The following KCTD16 variants were observed in gnomAD, a reference collection of about 807,000 sequenced individuals.
The protein encoded by KCTD16 is BTB/POZ domain-containing protein KCTD16.
A neutral mutation model predicts 33.2 loss-of-function variants in KCTD16; 13 were observed. That is an observed-to-expected ratio of 0.39 (90% confidence interval 0.25 to 0.62). KCTD16 has a LOEUF of 0.62. Among genes scored for constraint, KCTD16 ranks in the 20% least tolerant of loss-of-function variants. The pLI is 0.50. For missense variants in KCTD16, 441 were observed against 525.1 expected (o/e 0.84, Z 1.57); for synonymous variants, 197 against 195.3 (o/e 1.01, Z -0.07).
chr5:144,361,151 G>A (rs957846800), intron 3 of KCTD16, among the ~76,000 whole-genome samples: 9 of 149,204 alleles, frequency 6.0e-5, no homozygotes, highest in Non-Finnish European at 1.0e-4. Context: ...GAGAATCTGC[G>A]GTGTTTGGTT....
intron 3 of KCTD16, among the ~76,000 whole-genome samples, chr5:144,465,938 A>C (rs1288787818): frequency 1.3e-5 from 2 of 152,038 alleles, no homozygotes; most frequent in African/African-American, 4.8e-5. Flanking sequence ...TCCCGGGTTC[A>C]AGTGATTCTC....
At chr5:144,421,118 G>A (rs986501593) in intron 3 of KCTD16, among the ~76,000 whole-genome samples, 1 of 152,154 alleles carries the variant, frequency 6.6e-6, no homozygotes, top group African/African-American at 2.4e-5. Context: ...GGCAAGTATA[G>A]ACATGTATTG....
intron 3 of KCTD16, among the ~76,000 whole-genome samples, chr5:144,351,896 A>G (rs1323558262): frequency 2.0e-5 from 3 of 152,136 alleles, no homozygotes; most frequent in Non-Finnish European, 4.4e-5. Flanking sequence ...GGGAACTGGA[A>G]AGATATTGGT....
chr5:144,432,489 G>A (rs1753485835), intron 3 of KCTD16, among the ~76,000 whole-genome samples: 1 of 152,118 alleles, frequency 6.6e-6, no homozygotes, highest in Admixed American at 6.6e-5. Context: ...GCACACATAT[G>A]TTATCAGGAC....
chr5:144,413,499 G>C (rs753838287), intron 3 of KCTD16, among the ~76,000 whole-genome samples: 1 of 152,134 alleles, frequency 6.6e-6, no homozygotes, highest in African/African-American at 2.4e-5. Context: ...CATATCATTT[G>C]TTGACTTAGG....
At chr5:144,362,362 C>T (rs1363962647) in intron 3 of KCTD16, among the ~76,000 whole-genome samples, 2 of 152,098 alleles carry the variant, frequency 1.3e-5, no homozygotes, top group Non-Finnish European at 2.9e-5. Context: ...AATTCAGTAA[C>T]GAATTCCTCT....
intron 3 of KCTD16, among the ~76,000 whole-genome samples, chr5:144,360,836 A>G (rs954652449): frequency 4.0e-5 from 6 of 151,086 alleles, no homozygotes; most frequent in Non-Finnish European, 7.4e-5. Flanking sequence ...ACTCTTTGCT[A>G]TTGTGAACAT....
rs1752287608 is a variant in KCTD16, at chr5:144,329,086, G to A, written c.832+121540G>A. Among the ~76,000 whole-genome samples the A allele has an allele frequency of 1.3e-5, 2 of 152,042 alleles. 1 individual carries two copies. The highest frequency in any genetic ancestry group is 2.9e-5 in the Non-Finnish European group (2 of 68,010). On this transcript the variant is annotated intron_variant, in intron 3 of 3. Transcript: ENST00000512467. ...GGCAAACTTATTTGAAATATTGTTT[G>A]CATCCCACAATGTTGACACCCTTGG...
At chr5:144,233,225 A>G (rs1754157651) in intron 3 of KCTD16, among the ~76,000 whole-genome samples, 1 of 152,186 alleles carries the variant, frequency 6.6e-6, no homozygotes, top group African/African-American at 2.4e-5. Flanking sequence ...AGGGTCTTCC[A>G]TCATAAGTTA....
At chr5:144,406,369 G>A (rs1730913868) in intron 3 of KCTD16, among the ~76,000 whole-genome samples, 1 of 152,082 alleles carries the variant, frequency 6.6e-6, no homozygotes, top group Non-Finnish European at 1.5e-5. Context: ...TTAACACAAA[G>A]GAAAAGAAAA....
At chr5:144,178,481 T>C (rs1752550377) in intron 2 of KCTD16, among the ~76,000 whole-genome samples, 1 of 152,206 alleles carries the variant, frequency 6.6e-6, no homozygotes, top group South Asian at 2.1e-4. Flanking sequence ...TTTAATTAAA[T>C]TCTGCACACT....
chr5:144,335,017 C>G (rs929483979), intron 3 of KCTD16, among the ~76,000 whole-genome samples: 2 of 151,998 alleles, frequency 1.3e-5, no homozygotes, highest in African/African-American at 4.8e-5. Context: ...TGAGCTCAAA[C>G]GATTCCCCTG....
intron 3 of KCTD16, among the ~76,000 whole-genome samples, chr5:144,425,923 A>G (rs1322969647): frequency 6.6e-6 from 1 of 152,100 alleles, no homozygotes; most frequent in Non-Finnish European, 1.5e-5. Context: ...GATTCTTTCT[A>G]TTCATACTAA....
At chr5:144,380,646 T>G (rs1443241976) in intron 3 of KCTD16, among the ~76,000 whole-genome samples, 1 of 151,964 alleles carries the variant, frequency 6.6e-6, no homozygotes, top group South Asian at 2.1e-4. Context: ...ACCAGACACA[T>G]AGATCAATGG....
intron 1 of KCTD16, among the ~76,000 whole-genome samples, chr5:144,173,901 A>AT (rs58804094): frequency 0.021 from 3,026 of 140,812 alleles, 40 homozygotes; most frequent in East Asian, 0.052. Flanking sequence ...TTCTTTTTGG[A>AT]TTTTTTTTTT....
intron 3 of KCTD16, among the ~76,000 whole-genome samples, chr5:144,433,704 G>A (rs1753516900): frequency 6.6e-6 from 1 of 152,078 alleles, no homozygotes; most frequent in Non-Finnish European, 1.5e-5. Context: ...TCCTACTTCA[G>A]CTTTATTATA....
chr5:144,271,824 A>T (rs950063997), intron 3 of KCTD16, among the ~76,000 whole-genome samples: 1 of 152,024 alleles, frequency 6.6e-6, no homozygotes, highest in African/African-American at 2.4e-5. Context: ...AGACAGCAGG[A>T]TACAAAGTCA....
At chr5:144,314,497 C>T (rs1375211529) in intron 3 of KCTD16, among the ~76,000 whole-genome samples, 2 of 151,988 alleles carry the variant, frequency 1.3e-5, no homozygotes, top group African/African-American at 2.4e-5. Flanking sequence ...GTCAGGTAGC[C>T]CAGTAATAAA....
At chr5:144,389,593 G>A (rs1168211881) in intron 3 of KCTD16, among the ~76,000 whole-genome samples, 1 of 151,980 alleles carries the variant, frequency 6.6e-6, no homozygotes, top group Non-Finnish European at 1.5e-5. Flanking sequence ...ATAGTGCAAT[G>A]TAATAATAAT....
Sources: allele counts gnomAD v4.1 joint callset (sites outside exome capture counted in the v4.1 genomes callset), GRCh38; gene constraint gnomAD v4.1.1; transcripts MANE v1.5; gene names NCBI Gene and HGNC (gene_info 2026-07-23, HGNC 2026-07-21).